Variants in UACA observed in about 807,000 individuals in gnomAD.
UACA encodes nuclear membrane binding protein.
UACA carries 112 observed loss-of-function variants against 160.5 expected under a neutral mutation model. The ratio of observed to expected loss-of-function variants is 0.70; its 90% confidence interval spans 0.60 to 0.82. The LOEUF (loss-of-function observed/expected upper bound fraction) is 0.82, where lower values mean the gene tolerates loss of function less well. Ranked by LOEUF, UACA falls within the 40% of genes least tolerant of loss-of-function variation. UACA has a pLI of 0.00. For missense variants in UACA, 1,574 were observed against 1,614.6 expected (o/e 0.97, Z 0.43); for synonymous variants, 557 against 568.4 (o/e 0.98, Z 0.29).
intron 1 of UACA, among the ~76,000 whole-genome samples, chr15:70,738,641 CAAAT>C (rs1486833179): frequency 6.6e-6 from 1 of 152,090 alleles, no homozygotes; most frequent in African/African-American, 2.4e-5. Flanking sequence ...AACATGAAGA[CAAAT>C]AAAATCTCAT....
At chr15:70,747,936 T>A in intron 1 of UACA, among the ~76,000 whole-genome samples, 1 of 152,218 alleles carries the variant, frequency 6.6e-6, no homozygotes, top group East Asian at 1.9e-4. Flanking sequence ...TATTCTTAAA[T>A]ACAAGTCCAG....
At chr15:70,666,605 G>A (rs62016909) in intron 16 of UACA, 119 bp downstream of exon 16, 15,463 of 782,366 alleles carry the variant, frequency 0.02, 235 homozygotes, top group Non-Finnish European at 0.022. Flanking sequence ...CACGCAAGTT[G>A]CTAAACTGGA....
intron 1 of UACA, among the ~76,000 whole-genome samples, chr15:70,722,100 C>T (rs1258218185): frequency 2.6e-5 from 4 of 152,096 alleles, no homozygotes; most frequent in African/African-American, 9.7e-5. Flanking sequence ...AAATATTTCC[C>T]AGGCAAATTA....
chr15:70,723,386 TCTTATAA>T (rs1368897014), intron 1 of UACA, among the ~76,000 whole-genome samples: 1 of 152,184 alleles, frequency 6.6e-6, no homozygotes, highest in Non-Finnish European at 1.5e-5. Context: ...TCAGGGATAC[TCTTATAA>T]TAGACTTACT....
rs902060309 is a variant in UACA, at chr15:70,691,093, T to A, written c.366+206A>T. 3.9e-5 allele frequency among the ~76,000 whole-genome samples: 6 copies of A among 152,328 alleles called. 1 individual carries two copies. The South Asian group carries it at 8.3e-4, about 21-fold the overall frequency. ...AGGTCAAGCCTTTGTTATTTATTTT[T>A]AATACACTGAGTTATGCAATTCACT... On this transcript the variant is annotated intron_variant, in intron 4 of 18. Coordinates refer to ENST00000322954, the MANE Select transcript of UACA (RefSeq NM_018003.4).
At chr15:70,761,549 T>C (rs2030754292) in intron 1 of UACA, among the ~76,000 whole-genome samples, 1 of 152,244 alleles carries the variant, frequency 6.6e-6, no homozygotes, top group Non-Finnish European at 1.5e-5. Context: ...TTGGTTTTAT[T>C]CATCACTACA....
rs763024147 is a variant in UACA, at chr15:70,679,727, A to G, written c.823-51T>C. ...GGTCAGCAAGTGTAAGAATACAGAA[A>G]AGTATATTTTCCTCAATTGGCAATA... On this transcript the variant is annotated intron_variant, in intron 9 of 18. Transcript: ENST00000322954. 6 of 1,269,230 alleles carry G rather than the reference A, an allele frequency of 4.7e-6. No individual in the cohort carries two copies. In the South Asian group the frequency reaches 7.8e-5, roughly 17 times the overall value. The allele number at this position is 1,269,230 out of a possible 1,614,324, so 78.6% of individuals were successfully genotyped here.
chr15:70,718,973 A>C (rs527386938), intron 1 of UACA, among the ~76,000 whole-genome samples: 1 of 152,244 alleles, frequency 6.6e-6, no homozygotes, highest in Admixed American at 6.5e-5. Context: ...GATTTAATAA[A>C]GTACCATTAG....
chr15:70,735,467 A>T (rs969497169), intron 1 of UACA, among the ~76,000 whole-genome samples: 1 of 152,108 alleles, frequency 6.6e-6, no homozygotes, highest in Admixed American at 6.6e-5. Flanking sequence ...AATATAGGAA[A>T]CTATTTTAAG....
At chr15:70,679,413 A>AATAC (rs1897407033) in intron 10 of UACA, among the ~76,000 whole-genome samples, 195 bp downstream of exon 10, 3 of 149,652 alleles carry the variant, frequency 2.0e-5, no homozygotes, top group Admixed American at 1.3e-4. Context: ...TAAATAAATA[A>AATAC]ATAAATAAAT....
In UACA at chr15:70,704,804, A is replaced by G. The variant is rs141565378; in HGVS notation, c.79-5144T>C. Among the ~76,000 whole-genome samples, 151 of 152,298 alleles carry G rather than the reference A, an allele frequency of 9.9e-4. No homozygotes were observed. The East Asian group carries it at 0.013, about 13-fold the overall frequency. On this transcript the variant is annotated intron_variant, in intron 1 of 18. Transcript: ENST00000322954. ...GAAAAACTTCAGCTGAATTAAATTT[A>G]AAGTTGTTTAATTGAGCAATGAACC... is the stretch of plus-strand genomic sequence containing the variant.
At chr15:70,658,584 C>CT (rs956623197) in intron 18 of UACA, among the ~76,000 whole-genome samples, 1 of 152,126 alleles carries the variant, frequency 6.6e-6, no homozygotes, top group African/African-American at 2.4e-5. Context: ...AACCAAGTAT[C>CT]TTTTTTACAT....
At chr15:70,673,606 A>G (rs991656686) in intron 13 of UACA, among the ~76,000 whole-genome samples, 2 of 152,206 alleles carry the variant, frequency 1.3e-5, no homozygotes, top group African/African-American at 2.4e-5. Context: ...AGTTCAAAAA[A>G]CTTAATTTGG....
intron 1 of UACA, among the ~76,000 whole-genome samples, chr15:70,709,155 A>T (rs1021824966): frequency 6.6e-6 from 1 of 152,220 alleles, no homozygotes; most frequent in African/African-American, 2.4e-5. Context: ...GGCAAGCCCC[A>T]TAATATCAAA....
chr15:70,717,277 T>C (rs74700925), intron 1 of UACA, among the ~76,000 whole-genome samples: 18 of 152,206 alleles, frequency 1.2e-4, no homozygotes, highest in Non-Finnish European at 4.4e-5. Context: ...TCAGTATACA[T>C]TCACACTTGA....
intron 1 of UACA, among the ~76,000 whole-genome samples, chr15:70,707,037 T>A (rs1898541521): frequency 6.6e-6 from 1 of 152,198 alleles, no homozygotes; most frequent in Non-Finnish European, 1.5e-5. Context: ...TTTCAAAGCA[T>A]ATTATGAAGC....
intron 13 of UACA, among the ~76,000 whole-genome samples, chr15:70,674,660 G>A (rs895030257): frequency 6.6e-6 from 1 of 151,902 alleles, no homozygotes; most frequent in Non-Finnish European, 1.5e-5. Context: ...GTGCAGTGGC[G>A]TGATCTCACT....
intron 5 of UACA, among the ~76,000 whole-genome samples, chr15:70,688,412 C>T (rs1897807144): frequency 6.6e-6 from 1 of 151,668 alleles, no homozygotes; most frequent in Admixed American, 6.6e-5. Context: ...GTTTACAATC[C>T]CCATGAATTT....
chr15:70,706,979 G>C (rs973286268), intron 1 of UACA, among the ~76,000 whole-genome samples: 1 of 152,106 alleles, frequency 6.6e-6, no homozygotes, highest in Non-Finnish European at 1.5e-5. Flanking sequence ...ACTTCAAATA[G>C]GCAGTCTTGA....
Sources: gnomAD v4.1 joint callset for allele counts (sites outside exome capture counted in the v4.1 genomes callset) on GRCh38, gnomAD v4.1.1 for gene constraint, MANE v1.5 for transcripts, NCBI Gene and HGNC (gene_info 2026-07-23, HGNC 2026-07-21) for gene names.